The following ANK3 variants were observed in gnomAD, a reference collection of about 807,000 sequenced individuals.
The protein encoded by ANK3 is ankyrin-3.
In ANK3, 57 loss-of-function variants were observed where a neutral mutation model predicts 370.9. The observed-to-expected ratio is 0.15, with a 90% CI of 0.12 to 0.19. ANK3 has a LOEUF of 0.19. Among genes scored for constraint, ANK3 ranks in the 10% least tolerant of loss-of-function variants. ANK3 has a pLI of 1.00. For missense variants in ANK3, 4,439 were observed against 5,302.1 expected (o/e 0.84, Z 5.06); for synonymous variants, 1,929 against 1,946.3 (o/e 0.99, Z 0.23).
chr10:60,280,375 T>C (rs7900123), intron 1 of ANK3, among the ~76,000 whole-genome samples: 16,266 of 152,300 alleles, frequency 0.11, 1,134 homozygotes, highest in Non-Finnish European at 0.16. Flanking sequence ...TTGTACTTAA[T>C]AGTCTAACAG....
intron 2 of ANK3, among the ~76,000 whole-genome samples, chr10:60,505,177 T>C (rs1237074056): frequency 6.6e-6 from 1 of 152,132 alleles, no homozygotes; most frequent in African/African-American, 2.4e-5. Flanking sequence ...GTCTCCACTT[T>C]TGTGCGTGAT....
At chr10:60,261,717 C>A in intron 7 of ANK3, 142 bp downstream of exon 7, 2 of 660,204 alleles carry the variant, frequency 3.0e-6, no homozygotes, top group Non-Finnish European at 5.2e-6. Context: ...CAAGAACATA[C>A]ACTAGGATGA....
At chr10:60,138,468 T>C in intron 24 of ANK3, 1 of 389,978 alleles carries the variant, frequency 2.6e-6, no homozygotes, top group East Asian at 3.7e-5. Flanking sequence ...GGAACAGTTT[T>C]AGAAGAGATA....
intron 1 of ANK3, among the ~76,000 whole-genome samples, chr10:60,702,600 A>G (rs2079559456): frequency 6.6e-6 from 1 of 152,218 alleles, no homozygotes; most frequent in African/African-American, 2.4e-5. Context: ...GATCTAACTC[A>G]TTATTTTGAA....
At chr10:60,053,838 C>G (rs2078590518) in intron 42 of ANK3, 3 of 831,352 alleles carry the variant, frequency 3.6e-6, no homozygotes, top group Non-Finnish European at 4.8e-6. Context: ...TCCTAAACAT[C>G]TTTGGTTTTC....
intron 25 of ANK3, among the ~76,000 whole-genome samples, chr10:60,123,132 C>A (rs2093589265): frequency 6.6e-6 from 1 of 152,134 alleles, no homozygotes; most frequent in South Asian, 2.1e-4. Context: ...GAAGTCAACA[C>A]CTAGCACTGG....
At chr10:60,183,880 T>C (rs2096262686) in intron 17 of ANK3, among the ~76,000 whole-genome samples, 1 of 151,862 alleles carries the variant, frequency 6.6e-6, no homozygotes. Flanking sequence ...AAAAGGTATT[T>C]ATTTGAAACA....
intron 2 of ANK3, among the ~76,000 whole-genome samples, chr10:60,452,111 T>A (rs1201009576): frequency 1.3e-5 from 2 of 152,200 alleles, no homozygotes; most frequent in Non-Finnish European, 2.9e-5. Context: ...TTTCTAGACA[T>A]CCCCATGACC....
At chr10:60,175,747 GC>G (rs2095916027) in intron 18 of ANK3, among the ~76,000 whole-genome samples, 1 of 152,238 alleles carries the variant, frequency 6.6e-6, no homozygotes, top group Non-Finnish European at 1.5e-5. Flanking sequence ...GCAGCCAGGA[GC>G]CCGGGCCTCA....
intron 36 of ANK3, 155 bp downstream of exon 36, chr10:60,080,382 G>C (rs1291329586): frequency 6.4e-6 from 4 of 626,170 alleles, no homozygotes. Flanking sequence ...CTTCAACTAG[G>C]CACAAAATAT....
Position 60,196,555 on chromosome 10 carries a change from T to C in ANK3, c.1760A>G (p.Lys587Arg), listed in dbSNP as rs1355441769. 7 of 1,613,520 alleles carry C rather than the reference T, an allele frequency of 4.3e-6. No individual in the cohort carries two copies. The highest frequency in any genetic ancestry group is 4.2e-6 in the Non-Finnish European group (5 of 1,179,874). The change falls in exon 15 of 44, where the codon AAA (lysine) becomes AGA (arginine). Residue 587 changes from lysine to arginine, a missense_variant. By Grantham distance (26) the Lys-to-Arg change is conservative. Coordinates refer to ENST00000280772, the MANE Select transcript of ANK3 (RefSeq NM_020987.5). ...CCCAGCAGCATCTGGAGATGCACTTTTCTGTAGCAGGAGATTGGCGACTTC... is the reference window on the plus strand; with the variant it reads ...CCCAGCAGCATCTGGAGATGCACTTCTCTGTAGCAGGAGATTGGCGACTTC... ...KLEVANLLLQ[K>R]SASPDAAGKS...
At chr10:60,597,770 C>T (rs2078008309) in intron 2 of ANK3, among the ~76,000 whole-genome samples, 1 of 152,076 alleles carries the variant, frequency 6.6e-6, no homozygotes, top group African/African-American at 2.4e-5. Context: ...TTTTTGTTAA[C>T]TCAAGGAGAA....
At chr10:60,348,347 C>CAAAAAAAAAAAAAAAAAAAAAAAAAA (rs35147179) in intron 1 of ANK3, among the ~76,000 whole-genome samples, 1 of 68,172 alleles carries the variant, frequency 1.5e-5, no homozygotes, top group African/African-American at 6.5e-5. Flanking sequence ...TATCACTAGC[C>CAAAAAAAAAAAAAAAAAAAAAAAAAA]AAAAAAAAAA....
At chr10:60,724,165 G>C (rs1007867745) in intron 1 of ANK3, among the ~76,000 whole-genome samples, 16 of 125,304 alleles carry the variant, frequency 1.3e-4, no homozygotes, top group Middle Eastern at 4.8e-3. Flanking sequence ...AGCCGAGATC[G>C]CGCCACTGCA....
chr10:60,132,874 C>T (rs906784480), intron 25 of ANK3, among the ~76,000 whole-genome samples: 4 of 152,126 alleles, frequency 2.6e-5, no homozygotes, highest in Admixed American at 2.6e-4. Context: ...TCTTGGCCTT[C>T]CAAAGTGCTG....
chr10:60,574,246 T>G (rs1184359820), intron 2 of ANK3, among the ~76,000 whole-genome samples: 1 of 152,190 alleles, frequency 6.6e-6, no homozygotes, highest in Admixed American at 6.5e-5. Flanking sequence ...GATGCTTAGA[T>G]GCTTTACCCA....
At chr10:60,701,059 A>T (rs2079539012) in intron 1 of ANK3, among the ~76,000 whole-genome samples, 1 of 152,110 alleles carries the variant, frequency 6.6e-6, no homozygotes, top group African/African-American at 2.4e-5. Context: ...TAAATAATTT[A>T]TAGAACAATA....
chr10:60,228,589 T>C (rs2097199031), intron 8 of ANK3, among the ~76,000 whole-genome samples: 1 of 151,918 alleles, frequency 6.6e-6, no homozygotes, highest in Admixed American at 6.6e-5. Context: ...ATGCTTCTTA[T>C]AAGATGTTAC....
chr10:60,396,525 A>G (rs541163620), intron 2 of ANK3, among the ~76,000 whole-genome samples: 1 of 152,288 alleles, frequency 6.6e-6, no homozygotes, highest in East Asian at 1.9e-4. Context: ...AGTTTCCATC[A>G]CCTTTATTAA....
Sources: allele counts gnomAD v4.1 joint callset (sites outside exome capture counted in the v4.1 genomes callset), GRCh38; gene constraint gnomAD v4.1.1; transcripts MANE v1.5; gene names NCBI Gene and HGNC (gene_info 2026-07-23, HGNC 2026-07-21).